XPR1: variants seen among roughly 807,000 people sequenced by gnomAD.
XPR1 encodes the protein solute carrier family 53 member 1.
A neutral mutation model predicts 87.5 loss-of-function variants in XPR1; 28 were observed. The observed-to-expected ratio is 0.32, with a 90% CI of 0.24 to 0.44. The LOEUF (loss-of-function observed/expected upper bound fraction) is 0.44. XPR1 is among the 20% of genes least tolerant of loss of function. The pLI is 1.00. For synonymous variants in XPR1, 300 were observed against 306.1 expected (o/e 0.98, Z 0.21); for missense variants, 559 against 862.3 (o/e 0.65, Z 4.41).
chr1:180,757,562 G>A (rs1260879479), intron 2 of XPR1, among the ~76,000 whole-genome samples: 2 of 147,706 alleles, frequency 1.4e-5, no homozygotes, highest in African/African-American at 5.0e-5. Context: ...ATGCTGGAGT[G>A]CAGTGGCCCA....
chr1:180,847,084 C>T (rs1651711726), intron 11 of XPR1, among the ~76,000 whole-genome samples: 1 of 152,112 alleles, frequency 6.6e-6, no homozygotes, highest in South Asian at 2.1e-4. Context: ...GGAATCTTCT[C>T]AAACGAAGTA....
intron 12 of XPR1, among the ~76,000 whole-genome samples, chr1:180,866,296 G>C (rs1310935599): frequency 6.6e-6 from 1 of 152,148 alleles, no homozygotes; most frequent in Non-Finnish European, 1.5e-5. Context: ...GTGGAATCCA[G>C]TGGAGCTTCA....
rs1245078231 is a variant in XPR1 at position 180,884,241 on chromosome 1, C to A, written c.*175C>A. 2.0e-6 allele frequency: 1 copy of A among 492,620 alleles called. No individual in the cohort carries two copies. Among genetic ancestry groups the A allele is most frequent in the East Asian group, 3.3e-5 (1 of 29,950 alleles). 30.5% of individuals were successfully genotyped at this position (492,620 alleles called of 1,614,324 possible). A position where few individuals can be genotyped will look rare whatever the true frequency, so the allele number is the denominator to read the frequency against. ...CAAACAAGCTCACTGTGTTTCTTTT[C>A]TTTTCTTCTGGTTTAATTTTAATTT... On this transcript the variant is annotated 3_prime_UTR_variant, in exon 15 of 15. Coordinates refer to ENST00000367590, the MANE Select transcript of XPR1 (RefSeq NM_004736.4).
chr1:180,665,427 C>T (rs552361079), intron 1 of XPR1, among the ~76,000 whole-genome samples: 1 of 152,256 alleles, frequency 6.6e-6, no homozygotes, highest in East Asian at 1.9e-4. Flanking sequence ...GGCCAAAGAC[C>T]ATTACTGGTC....
chr1:180,635,269 ATC>A (rs1654724877), intron 1 of XPR1, among the ~76,000 whole-genome samples: 1 of 152,138 alleles, frequency 6.6e-6, no homozygotes, highest in African/African-American at 2.4e-5. Context: ...GTTTCCAGTA[ATC>A]TGTTTGAGTA....
At chr1:180,879,920 C>T (rs1266869273) in intron 13 of XPR1, among the ~76,000 whole-genome samples, 156 bp from the exon 14 acceptor site, 2 of 152,128 alleles carry the variant, frequency 1.3e-5, no homozygotes, top group African/African-American at 2.4e-5. Flanking sequence ...CCCACCACCA[C>T]CTCCCCGCAA....
chr1:180,672,251 C>G (rs1056054841), intron 1 of XPR1, among the ~76,000 whole-genome samples: 3 of 152,128 alleles, frequency 2.0e-5, no homozygotes, highest in Non-Finnish European at 4.4e-5. Context: ...GTTGTAACAA[C>G]TTCTCCATAT....
At chr1:180,809,070 C>G (rs560494924) in intron 6 of XPR1, among the ~76,000 whole-genome samples, 30 of 152,098 alleles carry the variant, frequency 2.0e-4, no homozygotes, top group African/African-American at 5.5e-4. Context: ...TGAAACACTA[C>G]TTAGCAATAA....
intron 9 of XPR1, among the ~76,000 whole-genome samples, chr1:180,829,024 C>T (rs1218330289): frequency 6.6e-6 from 1 of 152,008 alleles, no homozygotes; most frequent in Non-Finnish European, 1.5e-5. Context: ...TGGCAAAACC[C>T]TTTCTCTACA....
chr1:180,834,419 C>T (rs1651199342), intron 9 of XPR1, among the ~76,000 whole-genome samples: 1 of 152,090 alleles, frequency 6.6e-6, no homozygotes, highest in African/African-American at 2.4e-5. Context: ...TAATGGCTGA[C>T]ATGTATGTAA....
chr1:180,743,097 T>C (rs1275513773), intron 2 of XPR1, among the ~76,000 whole-genome samples: 4 of 152,076 alleles, frequency 2.6e-5, no homozygotes, highest in African/African-American at 9.6e-5. Flanking sequence ...TTTTAATTGG[T>C]ATGTTTAGAT....
intron 11 of XPR1, among the ~76,000 whole-genome samples, chr1:180,859,532 A>C (rs1265179979): frequency 6.6e-6 from 1 of 152,156 alleles, no homozygotes; most frequent in Non-Finnish European, 1.5e-5. Flanking sequence ...TCTCCTGAAT[A>C]CCAATGAAGG....
chr1:180,642,265 T>C (rs1454919705), intron 1 of XPR1, among the ~76,000 whole-genome samples: 1 of 152,164 alleles, frequency 6.6e-6, no homozygotes, highest in East Asian at 1.9e-4. Context: ...AACATTTTAA[T>C]GTTAGCACAG....
intron 2 of XPR1, chr1:180,758,950 G>C (rs1269275515): frequency 3.9e-5 from 6 of 152,166 alleles, no homozygotes; most frequent in Non-Finnish European, 1.5e-5. Flanking sequence ...CTAGAACTCA[G>C]GACTAAGAAA....
chr1:180,658,549 A>G (rs1268391897), intron 1 of XPR1, among the ~76,000 whole-genome samples: 3 of 152,084 alleles, frequency 2.0e-5, no homozygotes, highest in East Asian at 3.9e-4. Flanking sequence ...AAGTGATCAT[A>G]TGGTTTTTTT....
At chr1:180,742,163 TTTC>T (rs1240993135) in intron 2 of XPR1, among the ~76,000 whole-genome samples, 3 of 152,102 alleles carry the variant, frequency 2.0e-5, no homozygotes, top group Non-Finnish European at 2.9e-5. Flanking sequence ...ATGTTGGTCA[TTTC>T]TATTATTTCT....
At chr1:180,779,282 A>G (rs1452583805) in intron 2 of XPR1, among the ~76,000 whole-genome samples, 1 of 152,174 alleles carries the variant, frequency 6.6e-6, no homozygotes, top group Middle Eastern at 3.4e-3. Flanking sequence ...ACTTGTGTAG[A>G]TTTCTTTCTG....
chr1:180,676,367 A>G (rs1426795066), intron 1 of XPR1, among the ~76,000 whole-genome samples: 2 of 152,192 alleles, frequency 1.3e-5, no homozygotes, highest in Non-Finnish European at 2.9e-5. Context: ...ACTTCATTCA[A>G]ACATTTGAAT....
intron 2 of XPR1, among the ~76,000 whole-genome samples, chr1:180,736,904 GA>G (rs1449796059): frequency 1.3e-5 from 2 of 152,164 alleles, no homozygotes; most frequent in African/African-American, 4.8e-5. Flanking sequence ...CAGTTTCTCG[GA>G]AAGAAATACT....
Sources: gnomAD v4.1 joint callset for allele counts (sites outside exome capture counted in the v4.1 genomes callset) on GRCh38, gnomAD v4.1.1 for gene constraint, MANE v1.5 for transcripts, NCBI Gene and HGNC (gene_info 2026-07-23, HGNC 2026-07-21) for gene names.